DNAH14: variants seen among roughly 807,000 people sequenced by gnomAD.
The protein encoded by DNAH14 is axonemal beta dynein heavy chain 14.
In DNAH14, 478 loss-of-function variants were observed where a neutral mutation model predicts 520.9. The ratio of observed to expected loss-of-function variants is 0.92; its 90% confidence interval spans 0.85 to 0.99. The LOEUF is 0.99. Among genes scored for constraint, DNAH14 ranks in the 50% least tolerant of loss-of-function variants. The probability of loss-of-function intolerance (pLI) is 0.00; values close to 1 mark genes in which losing one functional copy is unlikely to be tolerated. For synonymous variants in DNAH14, 1,581 were observed against 1,757.2 expected (o/e 0.90, Z 2.51); for missense variants, 4,831 against 5,234.5 (o/e 0.92, Z 2.38).
At chr1:225,259,695 G>C (rs2092865758) in intron 46 of DNAH14, among the ~76,000 whole-genome samples, 1 of 152,134 alleles carries the variant, frequency 6.6e-6, no homozygotes, top group Non-Finnish European at 1.5e-5. Flanking sequence ...TGTACCCTTT[G>C]ACCAACATCT....
At chr1:225,124,644 C>T (rs530258279) in intron 27 of DNAH14, among the ~76,000 whole-genome samples, 1 of 152,282 alleles carries the variant, frequency 6.6e-6, no homozygotes, top group Admixed American at 6.5e-5. Context: ...ACCACATCTA[C>T]AGTTACTTCC....
intron 9 of DNAH14, 34 bp downstream of exon 9, chr1:225,002,961 G>A: frequency 4.9e-6 from 7 of 1,430,186 alleles, no homozygotes; most frequent in East Asian, 5.3e-5. Context: ...AGCTAATATT[G>A]GTATATAGAA....
At chr1:225,210,700 T>G (rs1209057311) in intron 41 of DNAH14, among the ~76,000 whole-genome samples, 6 of 152,188 alleles carry the variant, frequency 3.9e-5, no homozygotes, top group Admixed American at 3.9e-4. Flanking sequence ...CCGAGCCTCC[T>G]GACTGGGATA....
chr1:225,144,429 AGTT>A lies in DNAH14; in HGVS notation c.4544_4546del (p.Leu1515del), dbSNP rs1271138882. The A allele has an allele frequency of 4.5e-6, 7 of 1,551,376 alleles. No individual in the cohort carries two copies. The highest frequency in any genetic ancestry group is 1.4e-5 in the African/African-American group (1 of 73,058). On this transcript the variant is annotated inframe_deletion, in exon 29 of 86. Transcript: ENST00000682510. ...CAATATAAATGGAATGAAAAACAAA[AGTT>A]GTGCTATGTGTCTCAAGGAAATGCC... is the stretch of plus-strand genomic sequence containing the variant.
chr1:225,231,166 T>C lies in DNAH14; in HGVS notation c.6518+15T>C, dbSNP rs1417500924. Reference sequence around the variant, plus strand: ...ATAGAAAAGAGGTCAGTTACATTCCTTCAGAAAACATGTTTTAATAACCAT... The same window carrying C: ...ATAGAAAAGAGGTCAGTTACATTCCCTCAGAAAACATGTTTTAATAACCAT... On this transcript the variant is annotated intron_variant, in intron 42 of 85. Coordinates refer to ENST00000682510, the MANE Select transcript of DNAH14 (RefSeq NM_001367479.1). The C allele has an allele frequency of 6.6e-7, 1 of 1,523,242 alleles. No individual in the cohort carries two copies. Among genetic ancestry groups the C allele is most frequent in the Admixed American group, 2.1e-5 (1 of 47,244 alleles). The allele number at this position is 1,523,242 out of a possible 1,614,324, so 94.4% of individuals were successfully genotyped here.
chr1:225,082,606 A>C lies in DNAH14; in HGVS notation c.3194A>C (p.Gln1065Pro). ...AAGCAAGTGGTAACAGAGTTTAAAC[A>C]AGAGCTGCCTATCATTATAGCTCTG... ...HLKQVVTEFK[Q>P]ELPIIIALGN... Residue 1065 changes from glutamine (Q) to proline (P), a missense_variant, in exon 20 of 86, where the codon CAA (glutamine) becomes CCA (proline). Coordinates refer to ENST00000682510, the MANE Select transcript of DNAH14 (RefSeq NM_001367479.1). The C allele has an allele frequency of 6.4e-7, 1 of 1,551,696 alleles. No individual in the cohort carries two copies. Among genetic ancestry groups the C allele is most frequent in the Non-Finnish European group, 8.7e-7 (1 of 1,146,960 alleles).
intron 10 of DNAH14, among the ~76,000 whole-genome samples, chr1:225,017,424 T>A (rs1006009291): frequency 2.6e-5 from 4 of 152,240 alleles, no homozygotes; most frequent in African/African-American, 9.6e-5. Context: ...CCACTGCCAT[T>A]GTGCTTTCTC....
chr1:225,381,185 A>G (rs1219310940), intron 80 of DNAH14, among the ~76,000 whole-genome samples, 198 bp from the exon 81 acceptor site: 1 of 152,160 alleles, frequency 6.6e-6, no homozygotes, highest in Non-Finnish European at 1.5e-5. Flanking sequence ...CTACAAGGGG[A>G]GAGCTGAGTA....
chr1:225,259,069 C>T, intron 45 of DNAH14, 52 bp from the exon 46 acceptor site: 1 of 1,466,112 alleles, frequency 6.8e-7, no homozygotes, highest in Non-Finnish European at 9.0e-7. Flanking sequence ...AATGTGTTAA[C>T]ATGTATCATT....
rs1017485987 is a variant in DNAH14 at position 225,380,268 on chromosome 1, T to C, written c.12826T>C (p.Leu4276=). The part of the protein sequence containing the change: ...EEIAVGTPST[L]KSMMSSSIWE... Reference sequence around the variant, plus strand: ...AATTGCTGTTGGAACTCCAAGCACATTGAAGAGCATGATGTCAAGCTCCAT... The same window carrying C: ...AATTGCTGTTGGAACTCCAAGCACACTGAAGAGCATGATGTCAAGCTCCAT... The change falls in exon 80 of 86, where the codon TTG becomes CTG. Residue 4276 remains leucine, a synonymous_variant. Coordinates refer to ENST00000682510, the MANE Select transcript of DNAH14 (RefSeq NM_001367479.1). 9.7e-6 allele frequency: 15 copies of C among 1,551,544 alleles called. No individual in the cohort carries two copies. Among genetic ancestry groups the C allele is most frequent in the African/African-American group, 2.7e-5 (2 of 73,050 alleles).
chr1:225,181,615 T>C (rs2084007422), intron 36 of DNAH14, among the ~76,000 whole-genome samples: 1 of 152,222 alleles, frequency 6.6e-6, no homozygotes, highest in South Asian at 2.1e-4. Context: ...TGGCCTCTTA[T>C]ATGTCTTCTT....
Position 225,147,247 on chromosome 1 carries a change from C to T in DNAH14, c.4938C>T (p.Ala1646=), listed in dbSNP as rs1218792188. 1.9e-6 allele frequency: 3 copies of T among 1,541,980 alleles called. No individual in the cohort carries two copies. Among genetic ancestry groups the T allele is most frequent in the Non-Finnish European group, 2.6e-6 (3 of 1,144,370 alleles). Residue 1646 remains alanine, a splice_region_variant and synonymous_variant, in exon 31 of 86, where the codon GCC becomes GCT. Transcript: ENST00000682510. The part of the protein sequence containing the change: ...TIKAAKDNYS[A]RFVLEGKEIR... Reference sequence around the variant, plus strand: ...AGGCTGCAAAAGACAACTATTCTGCCAGGTATTTGTCGAATGTGTTTATAC... The same window carrying T: ...AGGCTGCAAAAGACAACTATTCTGCTAGGTATTTGTCGAATGTGTTTATAC...
At chr1:225,004,231 A>C (rs76183613) in intron 9 of DNAH14, among the ~76,000 whole-genome samples, 1 of 152,210 alleles carries the variant, frequency 6.6e-6, no homozygotes, top group Non-Finnish European at 1.5e-5. Flanking sequence ...TTCTTTATAT[A>C]TAAAAATGAA....
intron 32 of DNAH14, 72 bp from the exon 33 acceptor site, chr1:225,152,625 A>T: frequency 1.9e-5 from 26 of 1,338,784 alleles, no homozygotes; most frequent in African/African-American, 3.0e-5. Flanking sequence ...ATTTTGGGGA[A>T]AAGTATGTGA....
chr1:225,355,212 G>A (rs536472595), intron 73 of DNAH14, among the ~76,000 whole-genome samples: 1 of 152,028 alleles, frequency 6.6e-6, no homozygotes. Flanking sequence ...TTGCTTCATG[G>A]GTGGCATCGT....
At chr1:225,034,870 T>C (rs1388108671) in intron 11 of DNAH14, among the ~76,000 whole-genome samples, 3 of 152,128 alleles carry the variant, frequency 2.0e-5, no homozygotes, top group African/African-American at 7.2e-5. Context: ...CGGAGGTGTT[T>C]GTAGTAGTTT....
intron 18 of DNAH14, 39 bp from the exon 19 acceptor site, chr1:225,080,340 T>TA: frequency 6.7e-7 from 1 of 1,484,028 alleles, no homozygotes; most frequent in Non-Finnish European, 9.0e-7. Context: ...GTTCTAGACA[T>TA]ACTGATTTCT....
chr1:225,055,844 G>A (rs1048880273), intron 17 of DNAH14, among the ~76,000 whole-genome samples: 1 of 152,020 alleles, frequency 6.6e-6, no homozygotes, highest in Admixed American at 6.6e-5. Context: ...CTTCATCCAT[G>A]TCCCCACAAA....
At chr1:225,052,194 G>A (rs981488620) in intron 17 of DNAH14, among the ~76,000 whole-genome samples, 1 of 152,110 alleles carries the variant, frequency 6.6e-6, no homozygotes, top group Non-Finnish European at 1.5e-5. Flanking sequence ...GAATACAGAT[G>A]AATATTGGAG....
Sources: allele counts gnomAD v4.1 joint callset (sites outside exome capture counted in the v4.1 genomes callset), GRCh38; gene constraint gnomAD v4.1.1; transcripts MANE v1.5; gene names NCBI Gene and HGNC (gene_info 2026-07-23, HGNC 2026-07-21).